THRA: variants seen among roughly 807,000 people sequenced by gnomAD.
THRA encodes thyroid hormone receptor alpha.
THRA carries 13 observed loss-of-function variants against 45.0 expected under a neutral mutation model. The ratio of observed to expected loss-of-function variants is 0.29; its 90% CI spans 0.19 to 0.46. The LOEUF is 0.46. Among genes scored for constraint, THRA ranks in the 20% least tolerant of loss-of-function variants. THRA has a pLI of 1.00. For missense variants in THRA, 278 were observed against 556.1 expected (o/e 0.50, Z 5.03); for synonymous variants, 195 against 214.0 (o/e 0.91, Z 0.78).
intron 1 of THRA, among the ~76,000 whole-genome samples, chr17:40,069,205 C>A (rs72836603): frequency 0.015 from 2,212 of 149,238 alleles, 29 homozygotes; most frequent in Non-Finnish European, 0.024. Context: ...CACACACACA[C>A]TCTCAATCTT....
At chr17:40,077,649 C>G in intron 4 of THRA, 41 bp downstream of exon 4, 2 of 1,524,942 alleles carry the variant, frequency 1.3e-6, no homozygotes, top group Non-Finnish European at 1.8e-6. Flanking sequence ...CCACCTGAGC[C>G]CCCATATTAC....
chr17:40,068,020 C>T (rs373381820), intron 1 of THRA, among the ~76,000 whole-genome samples: 1 of 152,216 alleles, frequency 6.6e-6, no homozygotes, highest in African/African-American at 2.4e-5. Context: ...ACCCCCCACA[C>T]ACACATCCTC....
At chr17:40,063,742 C>A (rs1986451080) in intron 1 of THRA, among the ~76,000 whole-genome samples, 1 of 152,074 alleles carries the variant, frequency 6.6e-6, no homozygotes, top group African/African-American at 2.4e-5. Flanking sequence ...AGGAGAGTTG[C>A]TGGCTGGGGA....
rs1987581668 is a variant in THRA, at chr17:40,092,071, G to C, written c.*2615G>C. The C allele has an allele frequency of 6.6e-6, 1 of 152,434 alleles. No individual in the cohort carries two copies. Among genetic ancestry groups the C allele is most frequent in the South Asian group, 2.1e-4 (1 of 4,846 alleles). The allele number at this position is 152,434 out of a possible 1,614,324, so 9.4% of individuals were successfully genotyped here. On this transcript the variant is annotated 3_prime_UTR_variant, in exon 9 of 9. Coordinates refer to ENST00000450525, the MANE Select transcript of THRA (RefSeq NM_199334.5). ...CGAGGGGGCCAGGCCAGGACAAGGG[G>C]TTGCCAGAGCCATGACCACTACCCC...
intron 5 of THRA, 64 bp downstream of exon 5, chr17:40,084,046 G>T: frequency 6.6e-7 from 1 of 1,518,368 alleles, no homozygotes; most frequent in South Asian, 1.3e-5. Context: ...TTCTGGGAGG[G>T]CAGCTTCCTT....
intron 1 of THRA, among the ~76,000 whole-genome samples, chr17:40,069,618 C>T (rs991588950): frequency 6.6e-6 from 1 of 151,718 alleles, no homozygotes; most frequent in East Asian, 2.0e-4. Context: ...GAGAATGTGC[C>T]GTGCCCAGCT....
Position 40,077,613 on chromosome 17 carries a change from G to A in THRA, c.222+5G>A. 1 of 1,612,338 alleles carries A rather than the reference G, an allele frequency of 6.2e-7. No homozygotes were observed. The highest frequency in any genetic ancestry group is 8.5e-7 in the Non-Finnish European group (1 of 1,178,536). On this transcript the variant is annotated splice_donor_5th_base_variant and intron_variant, in intron 4 of 8. Transcript: ENST00000450525. ...ATCACTTGTGAGGGCTGCAAGGTAT[G>A]GAAGCTACCTCCTGCCCCTCCCCTG...
chr17:40,076,695 A>G (rs1331163124), intron 2 of THRA, among the ~76,000 whole-genome samples, 176 bp from the exon 3 acceptor site: 1 of 152,126 alleles, frequency 6.6e-6, no homozygotes, highest in Non-Finnish European at 1.5e-5. Flanking sequence ...TCTCCCCTGC[A>G]ACTTCCAGAT....
Position 40,084,617 on chromosome 17 carries a change from A to C in THRA, c.378A>C (p.Leu126=). The C allele has an allele frequency of 6.2e-7, 1 of 1,614,136 alleles. No individual in the cohort carries two copies. ...GTGCCTCTCTGTTCACAGTGGTTCTAGATGACTCGAAGCGGGTGGCCAAGC... is the reference window on the plus strand; with the variant it reads ...GTGCCTCTCTGTTCACAGTGGTTCTCGATGACTCGAAGCGGGTGGCCAAGC... ...IAVGMAMDLV[L]DDSKRVAKRK... Residue 126 remains leucine, a synonymous_variant, in exon 6 of 9, where the codon CTA becomes CTC. Coordinates refer to ENST00000450525, the MANE Select transcript of THRA (RefSeq NM_199334.5).
At position 40,074,496 on chromosome 17, in the gene THRA, A is replaced by G; in HGVS notation, c.8A>G (p.Gln3Arg). 6.2e-7 allele frequency: 1 copy of G among 1,614,134 alleles called. No homozygotes were observed. Among genetic ancestry groups the G allele is most frequent in the Non-Finnish European group, 8.5e-7 (1 of 1,179,970 alleles). Residue 3 changes from glutamine to arginine, a missense_variant, in exon 2 of 9, where the codon CAG becomes CGG. By Grantham distance (43) the Gln-to-Arg change is conservative (BLOSUM62 1). Coordinates refer to ENST00000450525, the MANE Select transcript of THRA (RefSeq NM_199334.5). Reference sequence around the variant, plus strand: ...TGGATGGAATTGAAGTGAATGGAACAGAAGCCAAGCAAGGTGGAGTGTGGG... The same window carrying G: ...TGGATGGAATTGAAGTGAATGGAACGGAAGCCAAGCAAGGTGGAGTGTGGG... ME[Q>R]KPSKVECGSD...
chr17:40,077,710 T>C (rs1021657038), intron 4 of THRA, 102 bp downstream of exon 4: 5 of 921,170 alleles, frequency 5.4e-6, no homozygotes, highest in South Asian at 1.6e-5. Context: ...TTTTTTTTTT[T>C]CTTTGAGACG....
rs1334426002 is a variant in THRA, at chr17:40,077,509, G to T, written c.123G>T (p.Gly41=). The T allele has an allele frequency of 2.5e-6, 4 of 1,613,744 alleles. No individual in the cohort carries two copies. Among genetic ancestry groups the T allele is most frequent in the East Asian group, 4.5e-5 (2 of 44,876 alleles). The change falls in exon 4 of 9, where the codon GGG becomes GGT. Residue 41 remains glycine, a splice_region_variant and synonymous_variant. Coordinates refer to ENST00000450525, the MANE Select transcript of THRA (RefSeq NM_199334.5). ...GQCSLKTSMS[G]YIPSYLDKDE... The stretch of plus-strand genomic sequence containing the variant: ...CCTCCATCCTTTCCTTCCTCCCAGG[G>T]TATATCCCTAGTTACCTGGACAAAG...
rs535754920 is a variant in THRA at position 40,071,628 on chromosome 17, C to T, written c.-297-2564C>T. 2.0e-5 allele frequency among the ~76,000 whole-genome samples: 3 copies of T among 152,328 alleles called. No homozygotes were observed. The South Asian group carries it at 6.2e-4, about 32-fold the overall frequency. ...CCCCCTCGGCCTCCTTGGGGCAGGG[C>T]CTCCCTCGCCTCTGCAGAGGAGGTA... On this transcript the variant is annotated intron_variant, in intron 1 of 8. Transcript: ENST00000450525.
intron 3 of THRA, 69 bp downstream of exon 3, chr17:40,077,007 G>T: frequency 6.7e-7 from 1 of 1,503,564 alleles, no homozygotes; most frequent in Non-Finnish European, 9.2e-7. Flanking sequence ...GGCTCCTCTG[G>T]ACCTGGATGT....
At chr17:40,093,125 C>T (rs1221856217), downstream of THRA, 1 of 1,614,118 alleles carries the variant, frequency 6.2e-7, no homozygotes, top group Non-Finnish European at 8.5e-7. The surrounding 1 kb of genome is among the most constrained non-coding windows in gnomAD (Gnocchi z 5.9). Context: ...TCTCGGAATG[C>T]ATGTTGTTCA....
At position 40,092,029 on chromosome 17, in the gene THRA, G is replaced by A. The variant is rs1987578585; in HGVS notation, c.*2573G>A. 6.6e-6 allele frequency: 1 copy of A among 152,580 alleles called. No individual in the cohort carries two copies. The highest frequency in any genetic ancestry group is 6.6e-5 in the Admixed American group (1 of 15,264). 9.5% of individuals were successfully genotyped at this position (152,580 alleles called of 1,614,324 possible). On this transcript the variant is annotated 3_prime_UTR_variant, in exon 9 of 9. Transcript: ENST00000450525. ...CAGGTGCAGTATCGGTGGGAGGACG[G>A]GTTGCTGGGAATAGGACGAGGGGGC...
chr17:40,066,155 C>T (rs987554752), intron 1 of THRA, among the ~76,000 whole-genome samples: 1 of 152,186 alleles, frequency 6.6e-6, no homozygotes, highest in African/African-American at 2.4e-5. Flanking sequence ...AGTGCAGGTT[C>T]CAGCCTAGAA....
At chr17:40,088,160 G>T in intron 7 of THRA, 82 bp from the exon 8 acceptor site, 1 of 1,502,736 alleles carries the variant, frequency 6.7e-7, no homozygotes, top group Admixed American at 2.3e-5. Flanking sequence ...GGGCCTCACG[G>T]CTCCCGTAGG....
chr17:40,065,905 C>T (rs1255829655), intron 1 of THRA, among the ~76,000 whole-genome samples: 1 of 152,226 alleles, frequency 6.6e-6, no homozygotes, highest in Non-Finnish European at 1.5e-5. Flanking sequence ...AAGAGGCTCC[C>T]CCCACACTGG....
Sources: gnomAD v4.1 joint callset for allele counts (sites outside exome capture counted in the v4.1 genomes callset) on GRCh38, gnomAD v4.1.1 for gene constraint, Gnocchi (gnomAD v3.1) non-coding constraint, MANE v1.5 for transcripts, NCBI Gene and HGNC (gene_info 2026-07-23, HGNC 2026-07-21) for gene names.